PRICKLE2: variants seen among roughly 807,000 people sequenced by gnomAD.
PRICKLE2 encodes prickle-like protein 2.
Under a neutral mutation model 81.4 loss-of-function variants are expected in PRICKLE2, and 21 were observed. The observed-to-expected ratio is 0.26, with a 90% confidence interval of 0.18 to 0.37. The LOEUF (loss-of-function observed/expected upper bound fraction) is 0.37. Among genes scored for constraint, PRICKLE2 ranks in the 10% least tolerant of loss-of-function variants. PRICKLE2 has a pLI of 1.00. For synonymous variants in PRICKLE2, 456 were observed against 421.5 expected, an observed-to-expected ratio of 1.08 and a Z score of -1.00; for missense variants, 940 against 1,109.0, an observed-to-expected ratio of 0.85 and a Z score of 2.16.
At chr3:64,112,140 T>G (rs1255365251) in intron 7 of PRICKLE2, among the ~76,000 whole-genome samples, 2 of 152,154 alleles carry the variant, frequency 1.3e-5, no homozygotes, top group Non-Finnish European at 2.9e-5. Flanking sequence ...CCTTTTTAAG[T>G]TGGGATACAC....
chr3:64,140,551 G>C (rs1331304574), intron 7 of PRICKLE2, among the ~76,000 whole-genome samples: 1 of 152,164 alleles, frequency 6.6e-6, no homozygotes, highest in Non-Finnish European at 1.5e-5. Context: ...ACAGTCTCCA[G>C]TTGTCCTGTG....
intron 2 of PRICKLE2, among the ~76,000 whole-genome samples, chr3:64,179,544 G>A (rs2078090158): frequency 6.6e-6 from 1 of 152,168 alleles, no homozygotes; most frequent in Non-Finnish European, 1.5e-5. Flanking sequence ...CAGTCTGTGA[G>A]CTGGAATAAG....
chr3:64,264,149 T>C (rs943035483), intron 2 of PRICKLE2, among the ~76,000 whole-genome samples: 23 of 151,538 alleles, frequency 1.5e-4, no homozygotes, highest in Admixed American at 1.3e-3. Flanking sequence ...ATGCTTGGAA[T>C]TAGACAGTTG....
At chr3:64,113,829 G>A (rs2076890643) in intron 7 of PRICKLE2, among the ~76,000 whole-genome samples, 2 of 152,096 alleles carry the variant, frequency 1.3e-5, no homozygotes, top group Non-Finnish European at 2.9e-5. Flanking sequence ...ACCTGCCCCA[G>A]CCAGCACCCT....
chr3:64,248,133 A>G (rs1403545775), intron 2 of PRICKLE2, among the ~76,000 whole-genome samples: 1 of 152,236 alleles, frequency 6.6e-6, no homozygotes, highest in Non-Finnish European at 1.5e-5. Flanking sequence ...ATCTCACCAG[A>G]TGAAAATGTA....
rs556156573 is a variant in PRICKLE2, at chr3:64,236,966, G to C, written c.129-37999C>G. Among the ~76,000 whole-genome samples the C allele has an allele frequency of 2.6e-5, 4 of 152,316 alleles. No homozygotes were observed. The South Asian group carries it at 8.3e-4, about 32-fold the overall frequency. On this transcript the variant is annotated intron_variant, in intron 2 of 8. Coordinates refer to the PRICKLE2 transcript ENST00000295902. ...GGTGATCTCTGCATCTGAGTGAAAT[G>C]GGATAGTTCCCTTAACCCCTTTGTG...
rs1278623352 is a variant in PRICKLE2 at position 64,225,456 on chromosome 3, G to C, written c.-587C>G. On this transcript the variant is annotated 5_prime_UTR_variant, in exon 1 of 8. Transcript: ENST00000638394. The stretch of plus-strand genomic sequence containing the variant: ...CGCTGCTGGTGGTGCCTGAGAAGTC[G>C]CTGTTGCAGTGCTTGCATCCTCCGC... 41 of 984,972 alleles carry C rather than the reference G, an allele frequency of 4.2e-5. No homozygotes were observed. The highest frequency in any genetic ancestry group is 4.7e-5 in the Non-Finnish European group (39 of 829,868). The allele number at this position is 984,972 out of a possible 1,614,324, so 61.0% of individuals were successfully genotyped here. A position where few individuals can be genotyped will look rare whatever the true frequency, so the allele number is the denominator to read the frequency against.
intron 2 of PRICKLE2, among the ~76,000 whole-genome samples, chr3:64,254,750 G>C (rs569195008): frequency 6.6e-6 from 1 of 152,108 alleles, no homozygotes; most frequent in Admixed American, 6.5e-5. Context: ...ATGTTTTGTT[G>C]ACAAGGTTAT....
intron 1 of PRICKLE2, among the ~76,000 whole-genome samples, chr3:64,206,186 A>G (rs981375652): frequency 6.6e-6 from 1 of 151,792 alleles, no homozygotes; most frequent in Admixed American, 6.5e-5. Flanking sequence ...AGTGACTATA[A>G]TTGGATAGGT....
chr3:64,149,285 T>C (rs531365376), intron 6 of PRICKLE2, among the ~76,000 whole-genome samples: 3 of 152,248 alleles, frequency 2.0e-5, no homozygotes, highest in Middle Eastern at 3.4e-3. Context: ...GGGCCCAACA[T>C]AGGCCAGCAA....
At chr3:64,104,658 A>G (rs1159995217) in intron 7 of PRICKLE2, 1 of 152,186 alleles carries the variant, frequency 6.6e-6, no homozygotes, top group Non-Finnish European at 1.5e-5. Context: ...CACCCCCTTG[A>G]AAAACAAAAG....
At chr3:64,124,418 A>G (rs2077076157) in intron 7 of PRICKLE2, among the ~76,000 whole-genome samples, 1 of 152,250 alleles carries the variant, frequency 6.6e-6, no homozygotes, top group Admixed American at 6.5e-5. Flanking sequence ...GACGATAGCT[A>G]CACTAAACAG....
In PRICKLE2 at chr3:64,163,076, A is replaced by G. The variant is rs759034537; in HGVS notation, c.198T>C (p.Ser66=). 1 of 1,614,004 alleles carries G rather than the reference A, an allele frequency of 6.2e-7. No homozygotes were observed. Among genetic ancestry groups the G allele is most frequent in the Admixed American group, 1.7e-5 (1 of 60,004 alleles). ...LPEEKVPYVN[S]PGEKLRIKQL... ...GCTTGATTCGCAGTTTCTCTCCAGG[A>G]CTGTTGACATAAGGGACTTTCTCTT... is the stretch of plus-strand genomic sequence containing the variant. Residue 66 remains serine, a synonymous_variant, in exon 3 of 8, where the codon AGT becomes AGC. Coordinates refer to ENST00000638394, the MANE Select transcript of PRICKLE2 (RefSeq NM_198859.4).
At chr3:64,168,537 G>T (rs556456637) in intron 2 of PRICKLE2, among the ~76,000 whole-genome samples, 1 of 152,206 alleles carries the variant, frequency 6.6e-6, no homozygotes. Flanking sequence ...GACTTACTGA[G>T]TGACCCTACG....
At chr3:64,241,766 A>T (rs1374623922) in intron 2 of PRICKLE2, among the ~76,000 whole-genome samples, 1 of 152,196 alleles carries the variant, frequency 6.6e-6, no homozygotes, top group Non-Finnish European at 1.5e-5. Flanking sequence ...CTGTGAGAGC[A>T]CGTCAGCAGT....
intron 2 of PRICKLE2, among the ~76,000 whole-genome samples, chr3:64,262,607 G>C (rs958362912): frequency 3.7e-4 from 56 of 151,402 alleles, no homozygotes; most frequent in African/African-American, 1.2e-3. Flanking sequence ...GCAGGAAGGA[G>C]GCAGGAGCGG....
chr3:64,229,438 A>G (rs704399), upstream of PRICKLE2, among the ~76,000 whole-genome samples: 138,689 of 152,152 alleles, frequency 0.91, 63,524 homozygotes, highest in South Asian at 0.98. Context: ...CTGTTTCTAC[A>G]GGTATAAAAT....
intron 1 of PRICKLE2, chr3:64,199,435 T>G: frequency 6.1e-6 from 1 of 163,162 alleles, no homozygotes; most frequent in Admixed American, 5.9e-5. Flanking sequence ...CCCTGGAAAA[T>G]GGAGAAAATG....
Position 64,147,710 on chromosome 3 carries a change from A to T in PRICKLE2, c.788-8T>A, listed in dbSNP as rs2077480260. 3.7e-6 allele frequency: 6 copies of T among 1,613,492 alleles called. No individual in the cohort carries two copies. The highest frequency in any genetic ancestry group is 3.4e-6 in the Non-Finnish European group (4 of 1,180,016). On this transcript the variant is annotated splice_region_variant and splice_polypyrimidine_tract_variant and intron_variant, in intron 6 of 7. Coordinates refer to ENST00000638394, the MANE Select transcript of PRICKLE2 (RefSeq NM_198859.4). This position sits in a 1 kb window ranked among gnomAD's most constrained non-coding sequence, Gnocchi z 5.0. ...TTTGACCTTGGTCGATACCTAAAAA[A>T]ATGAGAGACATTGGAGAGGCTGATG...
Sources: allele counts gnomAD v4.1 joint callset (sites outside exome capture counted in the v4.1 genomes callset), GRCh38; gene constraint gnomAD v4.1.1; non-coding constraint Gnocchi (gnomAD v3.1); transcripts MANE v1.5; gene names NCBI Gene and HGNC (gene_info 2026-07-23, HGNC 2026-07-21).